Variants in C6 observed in about 807,000 individuals in gnomAD.
C6 encodes the protein complement C6.
C6 carries 101 observed loss-of-function variants against 112.9 expected under a neutral mutation model. The observed-to-expected ratio is 0.89, with a 90% CI of 0.76 to 1.06. The LOEUF is 1.06. C6 is among the 50% of genes least tolerant of loss of function. The pLI is 0.00. For missense variants in C6, 1,202 were observed against 1,104.6 expected (o/e 1.09, Z -1.25); for synonymous variants, 431 against 384.1 (o/e 1.12, Z -1.43).
chr5:41,160,230 G>A lies in C6; in HGVS notation c.1596C>T (p.Pro532=). The change falls in exon 11 of 18, where the codon CCC becomes CCT. Residue 532 remains proline (P), a synonymous_variant. Transcript: ENST00000337836. ...QCAPCPNNGR[P]TLSGTECLCV... Reference sequence around the variant, plus strand: ...ACAGACATTCAGTCCCTGAGAGGGTGGGTCGGCCATTATTAGGGCATGGAG... The same window carrying A: ...ACAGACATTCAGTCCCTGAGAGGGTAGGTCGGCCATTATTAGGGCATGGAG... The A allele has an allele frequency of 6.2e-7, 1 of 1,613,886 alleles. No homozygotes were observed. Among genetic ancestry groups the A allele is most frequent in the Non-Finnish European group, 8.5e-7 (1 of 1,179,842 alleles).
rs748464229 is a variant in C6 at position 41,205,417 on chromosome 5, C to T, written c.-20-2167G>A. On this transcript the variant is annotated intron_variant, in intron 1 of 17. Coordinates refer to ENST00000337836, the MANE Select transcript of C6 (RefSeq NM_000065.5). The stretch of plus-strand genomic sequence containing the variant: ...CCATGGAGTGTGAGCTGAAGAAGGG[C>T]GGGACATCGCCTCACCTGGGATGTG... Among the ~76,000 whole-genome samples the T allele has an allele frequency of 1.1e-3, 166 of 152,276 alleles. 1 individual carries two copies. Among genetic ancestry groups the T allele is most frequent in the Non-Finnish European group, 1.3e-3 (88 of 68,020 alleles).
chr5:41,203,001 A>G (rs1282493787), intron 2 of C6, 87 bp downstream of exon 2: 1 of 1,241,202 alleles, frequency 8.1e-7, no homozygotes, highest in Admixed American at 1.7e-5. Context: ...ATATGTTCCC[A>G]TTGCTTAGTG....
rs5867547 is a variant in C6 at position 41,256,443 on chromosome 5, TA to T, written c.-21+4750del. Among the ~76,000 whole-genome samples the T allele has an allele frequency of 5.4e-3, 667 of 122,878 alleles. 1 individual carries two copies. Among genetic ancestry groups the T allele is most frequent in the African/African-American group, 0.013 (407 of 31,928 alleles). 80.6% of individuals were successfully genotyped at this position (122,878 alleles called of 152,430 possible). A position where few individuals can be genotyped will look rare whatever the true frequency, so the allele number is the denominator to read the frequency against. The stretch of plus-strand genomic sequence containing the variant: ...TAAAGTATAATTAAAAAAAAAAAAG[TA>T]AAAAAAAAAAAAAAAGAGTCTTAGA... On this transcript the variant is annotated intron_variant, in intron 1 of 17. Transcript: ENST00000263413.
At chr5:41,244,546 A>G (rs1388902960) in intron 1 of C6, among the ~76,000 whole-genome samples, 1 of 152,152 alleles carries the variant, frequency 6.6e-6, no homozygotes, top group Non-Finnish European at 1.5e-5. Context: ...ATCTGCAACT[A>G]TTGCTTCAAT....
chr5:41,201,391 C>T (rs188172006), intron 3 of C6, among the ~76,000 whole-genome samples, 167 bp downstream of exon 3: 1 of 152,248 alleles, frequency 6.6e-6, no homozygotes, highest in East Asian at 1.9e-4. Flanking sequence ...AATAAACCCC[C>T]TCTTCCCCCC....
intron 4 of C6, among the ~76,000 whole-genome samples, chr5:41,199,280 G>T (rs1750832016): frequency 1.3e-5 from 2 of 152,134 alleles, no homozygotes; most frequent in Non-Finnish European, 2.9e-5. Flanking sequence ...TAGATAGGAG[G>T]TCAATGAACT....
intron 1 of C6, among the ~76,000 whole-genome samples, chr5:41,241,875 A>G (rs1444909): frequency 6.6e-6 from 1 of 151,960 alleles, no homozygotes; most frequent in Non-Finnish European, 1.5e-5. Context: ...CAGTGTGAAA[A>G]GACAGCTGGT....
intron 7 of C6, among the ~76,000 whole-genome samples, chr5:41,177,787 A>T (rs1481923050): frequency 6.6e-6 from 1 of 152,074 alleles, no homozygotes; most frequent in Non-Finnish European, 1.5e-5. Context: ...TTGCCTACCT[A>T]TCTGAGATGC....
chr5:41,217,914 G>A (rs967097927), upstream of C6, among the ~76,000 whole-genome samples: 2 of 152,052 alleles, frequency 1.3e-5, no homozygotes, highest in African/African-American at 4.8e-5. Context: ...CAAACATCTT[G>A]AATACATTAC....
At chr5:41,214,047 C>T (rs76349798), upstream of C6, among the ~76,000 whole-genome samples, 8,718 of 152,122 alleles carry the variant, frequency 0.057, 324 homozygotes, top group African/African-American at 0.1. Flanking sequence ...TTACGCTTCT[C>T]TGAAATGGTT....
At chr5:41,187,917 G>C (rs917136353) in intron 5 of C6, among the ~76,000 whole-genome samples, 1 of 152,046 alleles carries the variant, frequency 6.6e-6, no homozygotes, top group East Asian at 1.9e-4. Flanking sequence ...TGCATACTAA[G>C]TTCAAAAGTA....
At chr5:41,217,196 G>C (rs11959515), upstream of C6, among the ~76,000 whole-genome samples, 25,728 of 151,902 alleles carry the variant, frequency 0.17, 2,568 homozygotes, top group South Asian at 0.32. Context: ...TCACACTTTA[G>C]ATCAGATGCT....
At chr5:41,227,651 C>G (rs575930683) in intron 1 of C6, among the ~76,000 whole-genome samples, 2 of 152,036 alleles carry the variant, frequency 1.3e-5, no homozygotes, top group African/African-American at 4.8e-5. Flanking sequence ...TTTTTGTATA[C>G]AATGTGAGAT....
Position 41,150,029 on chromosome 5 carries a change from A to T in C6, c.2291-4T>A. On this transcript the variant is annotated splice_polypyrimidine_tract_variant and splice_region_variant and intron_variant, in intron 15 of 17. Coordinates refer to ENST00000337836, the MANE Select transcript of C6 (RefSeq NM_000065.5). ...CCTTTTAATTTTGTTAGAGTATCTGAAACAAAAGAAAAAAGGAGAAAAGAA... is the reference window on the plus strand; with the variant it reads ...CCTTTTAATTTTGTTAGAGTATCTGTAACAAAAGAAAAAAGGAGAAAAGAA... The T allele has an allele frequency of 6.3e-7, 1 of 1,589,694 alleles. No individual in the cohort carries two copies. Among genetic ancestry groups the T allele is most frequent in the Non-Finnish European group, 8.6e-7 (1 of 1,157,994 alleles).
intron 1 of C6, among the ~76,000 whole-genome samples, chr5:41,250,716 C>A (rs1741298577): frequency 1.3e-5 from 2 of 152,042 alleles, no homozygotes; most frequent in Admixed American, 1.3e-4. Flanking sequence ...CCCAGATGAC[C>A]CCAGGTGAGC....
Position 41,164,176 on chromosome 5 carries a change from A to G in C6, c.1292-2317T>C, listed in dbSNP as rs75877609. ...AAAAGAAAGGAAATTAAAAAGACCA[A>G]TAAAATAGTTTTTGCTTAGTATTAC... is the stretch of plus-strand genomic sequence containing the variant. On this transcript the variant is annotated intron_variant, in intron 9 of 17. Coordinates refer to ENST00000337836, the MANE Select transcript of C6 (RefSeq NM_000065.5). Among the ~76,000 whole-genome samples the G allele has an allele frequency of 5.6e-3, 846 of 152,296 alleles. 15 individuals are homozygous for G. Among genetic ancestry groups the G allele is most frequent in the African/African-American group, 0.02 (827 of 41,576 alleles).
chr5:41,226,219 T>A (rs1156672252), intron 1 of C6, among the ~76,000 whole-genome samples: 14 of 152,126 alleles, frequency 9.2e-5, no homozygotes, highest in Non-Finnish European at 8.8e-5. Flanking sequence ...AAAGGGCTAA[T>A]AACCAGAATC....
chr5:41,231,834 C>T (rs1470868409), intron 1 of C6, among the ~76,000 whole-genome samples: 1 of 151,728 alleles, frequency 6.6e-6, no homozygotes, highest in Non-Finnish European at 1.5e-5. Flanking sequence ...ATCACATGTT[C>T]CTAATTAATA....
intron 5 of C6, among the ~76,000 whole-genome samples, chr5:41,193,991 G>C (rs73753124): frequency 6.6e-6 from 1 of 152,214 alleles, no homozygotes; most frequent in African/African-American, 2.4e-5. Context: ...TGGGACAACA[G>C]CTCTGGTTGG....
Sources: allele counts gnomAD v4.1 joint callset (sites outside exome capture counted in the v4.1 genomes callset), GRCh38; gene constraint gnomAD v4.1.1; transcripts MANE v1.5; gene names NCBI Gene and HGNC (gene_info 2026-07-23, HGNC 2026-07-21).